PITPNC1: variants seen among roughly 807,000 people sequenced by gnomAD.
The protein encoded by PITPNC1 is phosphatidylinositol transfer protein cytoplasmic 1, also known as cytoplasmic phosphatidylinositol transfer protein 1.
PITPNC1 carries 18 observed loss-of-function variants against 44.7 expected under a neutral mutation model. The ratio of observed to expected loss-of-function variants is 0.40; its 90% CI spans 0.28 to 0.60. PITPNC1 has a LOEUF of 0.60. PITPNC1 is among the 20% of genes least tolerant of loss of function. The pLI is 0.39. For synonymous variants in PITPNC1, 141 were observed against 149.6 expected, an observed-to-expected ratio of 0.94 and a Z score of 0.42; for missense variants, 290 against 418.4, an observed-to-expected ratio of 0.69 and a Z score of 2.68.
Position 67,552,312 on chromosome 17 carries a change from A to T in PITPNC1, c.253A>T (p.Lys85Ter). The change falls in exon 3 of 9, where the codon AAG becomes TAG. Residue 85 changes from lysine (K) to a stop codon, truncating the protein, a stop_gained. Transcript: ENST00000581322. LOFTEE classifies it high-confidence loss of function. ...VVPKIFYVTE[K>*]AWNYYPYTIT... ...CCCCAAAATATTTTATGTGACAGAGAAGGCTTGGAACTATTATCCCTACAC... is the reference window on the plus strand; with the variant it reads ...CCCCAAAATATTTTATGTGACAGAGTAGGCTTGGAACTATTATCCCTACAC... 1 of 1,601,436 alleles carries T rather than the reference A, an allele frequency of 6.2e-7. No individual in the cohort carries two copies. The highest frequency in any genetic ancestry group is 8.6e-7 in the Non-Finnish European group (1 of 1,168,468).
chr17:67,656,291 C>T (rs1480675276), intron 6 of PITPNC1, among the ~76,000 whole-genome samples: 1 of 152,140 alleles, frequency 6.6e-6, no homozygotes, highest in Non-Finnish European at 1.5e-5. Context: ...ACCATCCTTC[C>T]TTTCATCTTC....
chr17:67,445,807 A>G (rs551162609), intron 1 of PITPNC1, among the ~76,000 whole-genome samples: 2 of 152,238 alleles, frequency 1.3e-5, no homozygotes, highest in African/African-American at 4.8e-5. Context: ...AATCTCATTC[A>G]GGAAGCTGCC....
chr17:67,482,135 G>A (rs1189275872), intron 1 of PITPNC1, among the ~76,000 whole-genome samples: 2 of 152,114 alleles, frequency 1.3e-5, no homozygotes, highest in South Asian at 2.1e-4. Context: ...TTGGTCTTCC[G>A]TTAGCTGTCA....
intron 6 of PITPNC1, among the ~76,000 whole-genome samples, chr17:67,634,428 C>T (rs1340934357): frequency 2.0e-5 from 3 of 151,868 alleles, no homozygotes; most frequent in Non-Finnish European, 4.4e-5. Flanking sequence ...AAAAATTAGC[C>T]GGCAGGGTGG....
intron 6 of PITPNC1, among the ~76,000 whole-genome samples, chr17:67,639,853 C>G (rs1251213921): frequency 1.3e-5 from 2 of 152,160 alleles, no homozygotes; most frequent in Non-Finnish European, 1.5e-5. Context: ...AGAAAGGGAA[C>G]AGAGAGATCA....
intron 1 of PITPNC1, among the ~76,000 whole-genome samples, chr17:67,398,445 G>T (rs1420886460): frequency 3.9e-5 from 6 of 152,134 alleles, no homozygotes; most frequent in Non-Finnish European, 7.3e-5. Context: ...TATGGCGGAG[G>T]AGGCAAAACT....
At chr17:67,415,007 G>A (rs930466229) in intron 1 of PITPNC1, among the ~76,000 whole-genome samples, 1 of 152,154 alleles carries the variant, frequency 6.6e-6, no homozygotes, top group Non-Finnish European at 1.5e-5. Flanking sequence ...AGCCTCCTGA[G>A]TAGCTGGAAC....
chr17:67,544,838 G>A (rs1001275769), intron 2 of PITPNC1, among the ~76,000 whole-genome samples: 8 of 152,220 alleles, frequency 5.3e-5, no homozygotes, highest in African/African-American at 1.7e-4. Flanking sequence ...CCCAAAATAA[G>A]CTCAGTGCCC....
At position 67,563,332 on chromosome 17, in the gene PITPNC1, A is replaced by C. The variant is rs569724177; in HGVS notation, c.294+9715A>C. Among the ~76,000 whole-genome samples, 290 of 152,352 alleles carry C rather than the reference A, an allele frequency of 1.9e-3. 1 individual carries two copies. The highest frequency in any genetic ancestry group is 3.7e-3 in the Admixed American group (56 of 15,304). ...ACACGTTCTACATACTGTTGGAACA[A>C]GATGGCAAGAGAAGAATGCATTGAA... On this transcript the variant is annotated intron_variant, in intron 4 of 8. Coordinates refer to ENST00000581322, the MANE Select transcript of PITPNC1 (RefSeq NM_012417.4).
intron 5 of PITPNC1, among the ~76,000 whole-genome samples, chr17:67,589,009 C>G (rs904321570): frequency 1.3e-5 from 2 of 152,150 alleles, no homozygotes; most frequent in African/African-American, 2.4e-5. Context: ...AAGTCAGCAC[C>G]TGTTAAAAAG....
intron 2 of PITPNC1, among the ~76,000 whole-genome samples, chr17:67,543,945 G>A (rs184024403): frequency 9.8e-5 from 15 of 152,308 alleles, no homozygotes; most frequent in Non-Finnish European, 1.8e-4. Context: ...CCGCCTCCCA[G>A]GTTCAAGCGA....
intron 1 of PITPNC1, among the ~76,000 whole-genome samples, chr17:67,448,778 G>C (rs960534356): frequency 6.6e-6 from 1 of 151,912 alleles, no homozygotes; most frequent in Non-Finnish European, 1.5e-5. Flanking sequence ...AATCTTTCTT[G>C]TTTATTTGTT....
intron 1 of PITPNC1, among the ~76,000 whole-genome samples, chr17:67,410,999 T>A (rs2038487563): frequency 6.6e-6 from 1 of 151,488 alleles, no homozygotes; most frequent in African/African-American, 2.4e-5. Context: ...AGAGAACTAC[T>A]TGAACTCGGG....
At position 67,479,821 on chromosome 17, in the gene PITPNC1, G is replaced by C. The variant is rs532329343; in HGVS notation, c.49-52981G>C. On this transcript the variant is annotated intron_variant, in intron 1 of 8. Transcript: ENST00000581322. ...CAATGACATGTGAAATGTGCTCTGAGTAAAGGCATTTTCTTCTGCAATGTT... is the reference window on the plus strand; with the variant it reads ...CAATGACATGTGAAATGTGCTCTGACTAAAGGCATTTTCTTCTGCAATGTT... Among the ~76,000 whole-genome samples the C allele has an allele frequency of 2.6e-5, 4 of 152,296 alleles. No homozygotes were observed. The South Asian group carries it at 8.3e-4, about 32-fold the overall frequency.
chr17:67,529,880 G>A (rs544486437), intron 1 of PITPNC1, among the ~76,000 whole-genome samples: 2 of 152,220 alleles, frequency 1.3e-5, no homozygotes, highest in African/African-American at 4.8e-5. Context: ...CCTGGTAGGC[G>A]GAGGTTGTGG....
At position 67,571,801 on chromosome 17, in the gene PITPNC1, T is replaced by C. The variant is rs555482704; in HGVS notation, c.295-6385T>C. ...CTAAAGTGAAGTCTTGTATACACTC[T>C]CAGGAGTGACTGACTGTCTTGTCTT... is the stretch of plus-strand genomic sequence containing the variant. On this transcript the variant is annotated intron_variant, in intron 4 of 8. Coordinates refer to ENST00000581322, the MANE Select transcript of PITPNC1 (RefSeq NM_012417.4). Among the ~76,000 whole-genome samples, 22 of 152,360 alleles carry C rather than the reference T, an allele frequency of 1.4e-4. No individual in the cohort carries two copies. In the South Asian group the frequency reaches 4.6e-3, roughly 32 times the overall value.
At chr17:67,590,746 T>C (rs1169641754) in intron 5 of PITPNC1, among the ~76,000 whole-genome samples, 3 of 152,104 alleles carry the variant, frequency 2.0e-5, no homozygotes, top group Admixed American at 6.6e-5. Context: ...GTGGATCACC[T>C]GAGGTCAGGA....
At chr17:67,531,224 CAG>C (rs1241443931) in intron 1 of PITPNC1, among the ~76,000 whole-genome samples, 1 of 152,214 alleles carries the variant, frequency 6.6e-6, no homozygotes, top group East Asian at 1.9e-4. Flanking sequence ...GCCCGTGTGA[CAG>C]AGTGAGACCC....
chr17:67,441,983 AG>A (rs2039018252), intron 1 of PITPNC1, among the ~76,000 whole-genome samples: 1 of 151,956 alleles, frequency 6.6e-6, no homozygotes, highest in Non-Finnish European at 1.5e-5. Context: ...TTAGTTGAGT[AG>A]AATAAACTCT....
Sources: allele counts gnomAD v4.1 joint callset (sites outside exome capture counted in the v4.1 genomes callset), GRCh38; gene constraint gnomAD v4.1.1; transcripts MANE v1.5; gene names NCBI Gene and HGNC (gene_info 2026-07-23, HGNC 2026-07-21).